The following TNRC18 variants were observed in gnomAD, a reference collection of about 807,000 sequenced individuals.
The protein encoded by TNRC18 is trinucleotide repeat containing 18.
TNRC18 carries 69 observed loss-of-function variants against 226.7 expected under a neutral mutation model. The observed-to-expected ratio is 0.30, with a 90% CI of 0.25 to 0.37. TNRC18 has a LOEUF of 0.37. Ranked by LOEUF, TNRC18 falls within the 10% of genes least tolerant of loss-of-function variation. The pLI is 1.00. For synonymous variants in TNRC18, 2,449 were observed against 1,927.6 expected (o/e 1.27, Z -7.09); for missense variants, 4,754 against 4,256.6 (o/e 1.12, Z -3.25).
chr7:5,382,486 C>G (rs1779465401), intron 5 of TNRC18, among the ~76,000 whole-genome samples: 1 of 152,214 alleles, frequency 6.6e-6, no homozygotes, highest in South Asian at 2.1e-4. Flanking sequence ...ATGGCAACCC[C>G]TTCCTGGCCT....
At chr7:5,419,493 G>C (rs1004406819) in intron 2 of TNRC18, among the ~76,000 whole-genome samples, 3 of 152,238 alleles carry the variant, frequency 2.0e-5, no homozygotes, top group Admixed American at 1.3e-4. Flanking sequence ...CGGTGGACTT[G>C]TGGGGAGCGC....
chr7:5,351,055 C>CATG (rs1562529666), intron 17 of TNRC18, among the ~76,000 whole-genome samples: 2 of 152,130 alleles, frequency 1.3e-5, no homozygotes, highest in Admixed American at 1.3e-4. Flanking sequence ...ACTAAAAAAA[C>CATG]ATGATGATGC....
intron 24 of TNRC18, among the ~76,000 whole-genome samples, chr7:5,316,340 C>T (rs1787848835): frequency 7.7e-6 from 1 of 130,262 alleles, no homozygotes; most frequent in Admixed American, 9.9e-5. Flanking sequence ...AGTGCAATGG[C>T]ATGATCTTGG....
chr7:5,364,778 T>C (rs1486824130), intron 11 of TNRC18, among the ~76,000 whole-genome samples: 1 of 128,294 alleles, frequency 7.8e-6, no homozygotes, highest in South Asian at 2.5e-4. Flanking sequence ...TACCCCAGCC[T>C]GGGCAACAGA....
intron 5 of TNRC18, among the ~76,000 whole-genome samples, chr7:5,385,507 A>T (rs1405934047): frequency 1.1e-5 from 1 of 87,302 alleles, no homozygotes; most frequent in Non-Finnish European, 2.3e-5. Context: ...AAAAAAAAAA[A>T]AAAAAAAAAA....
In TNRC18 at chr7:5,357,151, C is replaced by A; in HGVS notation, c.4959G>T (p.Gly1653=). ...AGCCCCCGCTAGTTTTCGATTTCCC[C>A]CCAGCACTGTCCGAAAACTTGAAGG... ...KSPFKFSDSA[G]GKSKTSGGCG... Residue 1653 remains glycine, a synonymous_variant, in exon 16 of 30, where the codon GGG becomes GGT. Coordinates refer to ENST00000430969, the MANE Select transcript of TNRC18 (RefSeq NM_001080495.3). The A allele has an allele frequency of 6.3e-7, 1 of 1,580,864 alleles. No homozygotes were observed. Among genetic ancestry groups the A allele is most frequent in the East Asian group, 2.3e-5 (1 of 43,740 alleles).
intron 2 of TNRC18, among the ~76,000 whole-genome samples, chr7:5,398,038 T>C (rs1264228442): frequency 6.6e-6 from 1 of 152,104 alleles, no homozygotes; most frequent in African/African-American, 2.4e-5. Context: ...TCTGTTCAAT[T>C]CACCCAGGCT....
intron 17 of TNRC18, among the ~76,000 whole-genome samples, chr7:5,350,446 G>A (rs1791669057): frequency 7.2e-6 from 1 of 139,582 alleles, no homozygotes; most frequent in Admixed American, 7.1e-5. Flanking sequence ...GCGGGGGGCG[G>A]GGGCAGCATT....
chr7:5,377,998 C>T lies in TNRC18; in HGVS notation c.2179G>A (p.Val727Met), dbSNP rs1246795157. The T allele has an allele frequency of 2.5e-6, 4 of 1,612,590 alleles. No individual in the cohort carries two copies. The highest frequency in any genetic ancestry group is 3.4e-6 in the Non-Finnish European group (4 of 1,179,786). The change falls in exon 6 of 30, where the codon GTG becomes ATG. Residue 727 changes from valine to methionine, a missense_variant. Val to Met is a conservative substitution (Grantham distance 21, BLOSUM62 1). Coordinates refer to ENST00000430969, the MANE Select transcript of TNRC18 (RefSeq NM_001080495.3). The surrounding 1 kb of genome is among the most constrained non-coding windows in gnomAD (Gnocchi z 5.8). Reference protein sequence around the residue: ...KGHGRADEDCVDDRARHREER... With the variant: ...KGHGRADEDCMDDRARHREER... ...TCCCGGTGTCTGGCCCGGTCGTCCA[C>T]ACAGTCCTCATCTGCTCGGCCGTGC...
rs1012586882 is a variant in TNRC18, at chr7:5,324,592, T to C, written c.6301-237A>G. ...TCAATACTCAGTACTCTGTGCTCAG[T>C]ATCAGCACTCAGCACTCAGTACTCA... On this transcript the variant is annotated intron_variant, in intron 20 of 29. Coordinates refer to ENST00000430969, the MANE Select transcript of TNRC18 (RefSeq NM_001080495.3). The surrounding 1 kb of genome is among the most constrained non-coding windows in gnomAD (Gnocchi z 4.8). Among the ~76,000 whole-genome samples the C allele has an allele frequency of 8.5e-5, 13 of 152,312 alleles. No individual in the cohort carries two copies. The highest frequency in any genetic ancestry group is 3.1e-4 in the African/African-American group (13 of 41,572).
chr7:5,390,604 A>T lies in TNRC18; in HGVS notation c.368T>A (p.Leu123Gln). 6.2e-7 allele frequency: 1 copy of T among 1,602,606 alleles called. No homozygotes were observed. The highest frequency in any genetic ancestry group is 8.5e-7 in the Non-Finnish European group (1 of 1,174,630). ...GTTCAGGTGGAGGTAGGATGGGTAC[A>T]GCCCACTGGGCAGGTGGGAGAAGCC... ...HEGFSHLPSG[L>Q]YPSYLHLNHL... Residue 123 changes from leucine (L) to glutamine (Q), a missense_variant, in exon 4 of 30, where the codon CTG becomes CAG. Physicochemically the swap from Leu to Gln is moderately radical, Grantham distance 113. Transcript: ENST00000430969.
chr7:5,362,061 G>T, intron 12 of TNRC18, 28 bp from the exon 13 acceptor site: 1 of 1,608,364 alleles, frequency 6.2e-7, no homozygotes. Context: ...AGAGGAGGAG[G>T]GGGTGAGGAT....
At chr7:5,375,963 T>C (rs1362847243) in intron 9 of TNRC18, 71 bp downstream of exon 9, 1 of 1,430,034 alleles carries the variant, frequency 7.0e-7, no homozygotes, top group South Asian at 1.3e-5. Flanking sequence ...GAGATTCTGC[T>C]GGCTGACTCG....
chr7:5,420,935 G>A, intron 2 of TNRC18, 125 bp downstream of exon 2: 1 of 1,221,674 alleles, frequency 8.2e-7, no homozygotes, highest in Non-Finnish European at 1.2e-6. Flanking sequence ...AGCCGAGTCT[G>A]CCCGCACCCC....
At chr7:5,378,416 A>G (rs1562580758) in intron 5 of TNRC18, among the ~76,000 whole-genome samples, 1 of 151,060 alleles carries the variant, frequency 6.6e-6, no homozygotes, top group Admixed American at 6.6e-5. Context: ...TTTTATTTTT[A>G]TTTATTTATT....
chr7:5,353,544 A>T (rs1792050771), intron 16 of TNRC18, among the ~76,000 whole-genome samples: 1 of 138,394 alleles, frequency 7.2e-6, no homozygotes, highest in Non-Finnish European at 1.5e-5. Flanking sequence ...TGGGCGACAG[A>T]GCAAGACATC....
In TNRC18 at chr7:5,307,950, A is replaced by T. The variant is rs1469569798; in HGVS notation, c.*156T>A. 7.5e-6 allele frequency: 5 copies of T among 662,596 alleles called. No homozygotes were observed. Among genetic ancestry groups the T allele is most frequent in the South Asian group, 1.8e-5 (1 of 54,144 alleles). The allele number at this position is 662,596 out of a possible 1,614,324, so 41.0% of individuals were successfully genotyped here. A position where few individuals can be genotyped will look rare whatever the true frequency, so the allele number is the denominator to read the frequency against. On this transcript the variant is annotated 3_prime_UTR_variant, in exon 30 of 30. Coordinates refer to ENST00000430969, the MANE Select transcript of TNRC18 (RefSeq NM_001080495.3). The stretch of plus-strand genomic sequence containing the variant: ...CGTGCACACACGTGCATGCACACAC[A>T]CTCACCCGGGCATCCACGTGCACAC...
At chr7:5,374,021 G>A (rs768431760) in intron 10 of TNRC18, 34 bp downstream of exon 10, 3 of 1,476,294 alleles carry the variant, frequency 2.0e-6, no homozygotes, top group Non-Finnish European at 2.7e-6. Context: ...TCCAGGGGCA[G>A]AGTGAGACCC....
rs1786573105 is a variant in TNRC18 at position 5,306,916 on chromosome 7, A to T, written c.*1190T>A. 1 of 150,832 alleles carries T rather than the reference A, an allele frequency of 6.6e-6. No individual in the cohort carries two copies. The highest frequency in any genetic ancestry group is 1.9e-4 in the East Asian group (1 of 5,160). 9.3% of individuals were successfully genotyped at this position (150,832 alleles called of 1,614,324 possible). On this transcript the variant is annotated 3_prime_UTR_variant, in exon 30 of 30. Coordinates refer to ENST00000430969, the MANE Select transcript of TNRC18 (RefSeq NM_001080495.3). The stretch of plus-strand genomic sequence containing the variant: ...AATAATTCCCCCAAAAAACAAACCC[A>T]AAGTCTGGCTTTTCCTTCCCTCAAG...
Sources: gnomAD v4.1 joint callset for allele counts (sites outside exome capture counted in the v4.1 genomes callset) on GRCh38, gnomAD v4.1.1 for gene constraint, Gnocchi (gnomAD v3.1) non-coding constraint, MANE v1.5 for transcripts, NCBI Gene and HGNC (gene_info 2026-07-23, HGNC 2026-07-21) for gene names.